DNAJC1: variants seen among roughly 807,000 people sequenced by gnomAD.
The protein encoded by DNAJC1 is dnaJ homolog subfamily C member 1.
Under a neutral mutation model 76.6 loss-of-function variants are expected in DNAJC1, and 58 were observed. The ratio of observed to expected loss-of-function variants is 0.76; its 90% CI spans 0.61 to 0.94. The LOEUF (loss-of-function observed/expected upper bound fraction) is 0.94, where lower values mean the gene tolerates loss of function less well. Among genes scored for constraint, DNAJC1 ranks in the 40% least tolerant of loss-of-function variants. DNAJC1 has a pLI of 0.00. For synonymous variants in DNAJC1, 258 were observed against 267.9 expected, an observed-to-expected ratio of 0.96 and a Z score of 0.36; for missense variants, 689 against 677.3, an observed-to-expected ratio of 1.02 and a Z score of -0.19.
chr10:21,916,603 T>C (rs193245622), intron 6 of DNAJC1, among the ~76,000 whole-genome samples: 1 of 152,344 alleles, frequency 6.6e-6, no homozygotes, highest in East Asian at 1.9e-4. Flanking sequence ...CTTAGAGCCT[T>C]AACAGGGCTC....
chr10:21,887,821 G>C (rs933101286), intron 7 of DNAJC1, among the ~76,000 whole-genome samples: 9 of 152,148 alleles, frequency 5.9e-5, no homozygotes, highest in Admixed American at 5.9e-4. Context: ...CTGGATGTAG[G>C]AATGGGCCAA....
At chr10:21,791,637 G>C (rs1411410461) in intron 9 of DNAJC1, among the ~76,000 whole-genome samples, 1 of 151,968 alleles carries the variant, frequency 6.6e-6, no homozygotes, top group Non-Finnish European at 1.5e-5. Context: ...GCTCCTGAAC[G>C]ACCAATTGGT....
chr10:21,841,457 C>A (rs1162658557), intron 8 of DNAJC1, among the ~76,000 whole-genome samples: 2 of 152,188 alleles, frequency 1.3e-5, no homozygotes, highest in African/African-American at 4.8e-5. Context: ...TGAACAGACA[C>A]TTCTCAAAAG....
chr10:21,917,441 A>C (rs1480367720), intron 6 of DNAJC1, among the ~76,000 whole-genome samples: 3 of 152,102 alleles, frequency 2.0e-5, no homozygotes, highest in African/African-American at 4.8e-5. Context: ...ATACTGCCTC[A>C]TGAATATACT....
intron 10 of DNAJC1, among the ~76,000 whole-genome samples, chr10:21,765,046 G>A (rs934662368): frequency 6.6e-6 from 1 of 152,108 alleles, no homozygotes; most frequent in Non-Finnish European, 1.5e-5. Flanking sequence ...TCTGAGCTGC[G>A]CTGCCTTTTC....
At chr10:21,908,287 T>A (rs1438577752) in intron 6 of DNAJC1, among the ~76,000 whole-genome samples, 7 of 124,396 alleles carry the variant, frequency 5.6e-5, no homozygotes, top group Admixed American at 4.2e-4. Context: ...TATATATATA[T>A]AAGAATTTCC....
intron 8 of DNAJC1, among the ~76,000 whole-genome samples, chr10:21,858,114 A>G (rs1043847669): frequency 6.6e-5 from 10 of 152,218 alleles, no homozygotes; most frequent in Non-Finnish European, 1.2e-4. Flanking sequence ...TAAAGGGAAC[A>G]CAAAAACAAT....
At chr10:21,780,615 C>T (rs2131627459) in intron 9 of DNAJC1, among the ~76,000 whole-genome samples, 1 of 152,304 alleles carries the variant, frequency 6.6e-6, no homozygotes, top group South Asian at 2.1e-4. Context: ...TGGAAAGGAA[C>T]AACTGGTACC....
chr10:21,816,542 TCTC>T (rs201764232), intron 8 of DNAJC1, among the ~76,000 whole-genome samples: 44 of 144,568 alleles, frequency 3.0e-4, no homozygotes, highest in African/African-American at 4.6e-4. Flanking sequence ...ACTGTCTCTC[TCTC>T]TTTTTTTTTT....
rs779449834 is a variant in DNAJC1, at chr10:21,759,283, C to T, written c.1483G>A (p.Glu495Lys). Reference sequence around the variant, plus strand: ...TTCTGTTGATTTTGAGTCCACGGCTCCTCTGCAGACCGAGCTCTCTCTTTT... The same window carrying T: ...TTCTGTTGATTTTGAGTCCACGGCTTCTCTGCAGACCGAGCTCTCTCTTTT... ...LRKERARSAE[E>K]PWTQNQQKLL... The change falls in exon 11 of 12, where the codon GAG becomes AAG. Residue 495 changes from glutamate to lysine, a missense_variant. Glu to Lys is a moderately conservative substitution (Grantham distance 56). Coordinates refer to ENST00000376980, the MANE Select transcript of DNAJC1 (RefSeq NM_022365.4). 2 of 1,614,234 alleles carry T rather than the reference C, an allele frequency of 1.2e-6. No individual in the cohort carries two copies. The highest frequency in any genetic ancestry group is 1.7e-6 in the Non-Finnish European group (2 of 1,180,038).
chr10:21,807,947 A>G (rs1834906961), intron 8 of DNAJC1, among the ~76,000 whole-genome samples: 1 of 152,242 alleles, frequency 6.6e-6, no homozygotes, highest in East Asian at 1.9e-4. Context: ...TTAGAGAAAT[A>G]TAATTGGATT....
At chr10:21,838,502 C>T (rs1326694745) in intron 8 of DNAJC1, among the ~76,000 whole-genome samples, 1 of 152,152 alleles carries the variant, frequency 6.6e-6, no homozygotes, top group Non-Finnish European at 1.5e-5. Context: ...CTGCAGGGTC[C>T]TCTGCCTAGG....
intron 9 of DNAJC1, among the ~76,000 whole-genome samples, chr10:21,773,924 G>T (rs1023017422): frequency 6.6e-6 from 1 of 151,194 alleles, no homozygotes; most frequent in African/African-American, 2.4e-5. Flanking sequence ...GGCGGATCAC[G>T]AGGTCAGGAG....
chr10:21,780,875 G>A, intron 9 of DNAJC1, among the ~76,000 whole-genome samples: 1 of 152,182 alleles, frequency 6.6e-6, no homozygotes, highest in East Asian at 1.9e-4. Flanking sequence ...GACACACACA[G>A]GCTCAAAATA....
At chr10:21,922,676 T>C (rs1379527921) in intron 3 of DNAJC1, among the ~76,000 whole-genome samples, 1 of 151,940 alleles carries the variant, frequency 6.6e-6, no homozygotes, top group Non-Finnish European at 1.5e-5. Context: ...AATGAGAAAA[T>C]GTATAGGTAA....
intron 1 of DNAJC1, among the ~76,000 whole-genome samples, chr10:21,987,584 C>T (rs1363220696): frequency 6.6e-6 from 1 of 152,078 alleles, no homozygotes; most frequent in Non-Finnish European, 1.5e-5. Context: ...TCATAGACAA[C>T]AAATCTACTT....
Position 21,853,965 on chromosome 10 carries a change from T to C in DNAJC1, c.978+28317A>G, listed in dbSNP as rs532453756. Among the ~76,000 whole-genome samples the C allele has an allele frequency of 5.3e-5, 8 of 152,140 alleles. No homozygotes were observed. The South Asian group carries it at 1.2e-3, about 24-fold the overall frequency. On this transcript the variant is annotated intron_variant, in intron 8 of 11. Coordinates refer to ENST00000376980, the MANE Select transcript of DNAJC1 (RefSeq NM_022365.4). ...GAAGTTTAAAATGACGGAAATAAGA[T>C]TGTCCTTTGAAAGATCAACACATAA...
intron 1 of DNAJC1, among the ~76,000 whole-genome samples, chr10:21,946,632 A>T (rs1247910914): frequency 6.6e-6 from 1 of 152,138 alleles, no homozygotes; most frequent in African/African-American, 2.4e-5. Context: ...ACATACACAA[A>T]CCCAGCAATG....
chr10:21,889,047 G>C (rs1465873839), intron 7 of DNAJC1, among the ~76,000 whole-genome samples: 1 of 152,042 alleles, frequency 6.6e-6, no homozygotes, highest in African/African-American at 2.4e-5. Context: ...AAATAACTGA[G>C]ACTGGGTAAC....
Sources: gnomAD v4.1 joint callset for allele counts (sites outside exome capture counted in the v4.1 genomes callset) on GRCh38, gnomAD v4.1.1 for gene constraint, MANE v1.5 for transcripts, NCBI Gene and HGNC (gene_info 2026-07-23, HGNC 2026-07-21) for gene names.